Variants in NDUFAF6 observed in about 807,000 individuals in gnomAD.
NDUFAF6 encodes the protein NADH:ubiquinone oxidoreductase complex assembly factor 6.
In NDUFAF6, 45 loss-of-function variants were observed where a neutral mutation model predicts 40.8. That is an observed-to-expected ratio of 1.10 (90% CI 0.87 to 1.42). The LOEUF (loss-of-function observed/expected upper bound fraction) is 1.42, where lower values mean the gene tolerates loss of function less well. Among genes scored for constraint, NDUFAF6 ranks in the 40% most tolerant of loss-of-function variants. The pLI is 0.00. For synonymous variants in NDUFAF6, 185 were observed against 155.9 expected (o/e 1.19, Z -1.39); for missense variants, 435 against 418.5 (o/e 1.04, Z -0.34).
intron 2 of NDUFAF6, among the ~76,000 whole-genome samples, chr8:94,982,811 C>G (rs971940522): frequency 9.9e-5 from 15 of 152,242 alleles, no homozygotes; most frequent in African/African-American, 3.6e-4. Flanking sequence ...CCATGGTGAC[C>G]CACCGTAATA....
At chr8:94,976,090 C>T (rs1586866911) in intron 1 of NDUFAF6, 1 of 150,948 alleles carries the variant, frequency 6.6e-6, no homozygotes, top group South Asian at 2.1e-4. Flanking sequence ...CCCAGCTACT[C>T]AGAGAGGCTG....
At chr8:95,013,894 A>C (rs1827330332) in intron 2 of NDUFAF6, among the ~76,000 whole-genome samples, 2 of 152,172 alleles carry the variant, frequency 1.3e-5, no homozygotes, top group African/African-American at 2.4e-5. Context: ...GGTAGACCCT[A>C]ATCTCAGATG....
intron 1 of NDUFAF6, chr8:94,940,785 T>A: frequency 6.8e-7 from 1 of 1,465,294 alleles, no homozygotes; most frequent in Non-Finnish European, 9.4e-7. Context: ...CAAGTTTCCA[T>A]TTTTACTGTG....
chr8:95,108,214 G>A (rs894135033), downstream of NDUFAF6, among the ~76,000 whole-genome samples: 2 of 152,148 alleles, frequency 1.3e-5, no homozygotes, highest in East Asian at 1.9e-4. Flanking sequence ...CCACTTCTGG[G>A]TATGTACACT....
intron 2 of NDUFAF6, chr8:95,087,981 TG>T (rs1809104221): frequency 6.6e-6 from 1 of 152,314 alleles, no homozygotes; most frequent in Admixed American, 6.5e-5. Flanking sequence ...GGCTGTTTCC[TG>T]GTAGCAGAGG....
intron 2 of NDUFAF6, among the ~76,000 whole-genome samples, chr8:94,952,945 A>G (rs1189419366): frequency 6.6e-6 from 1 of 152,236 alleles, no homozygotes; most frequent in African/African-American, 2.4e-5. Context: ...CTGGATTGTA[A>G]CTAATGATCG....
intron 9 of NDUFAF6, among the ~76,000 whole-genome samples, chr8:95,070,934 G>A (rs1032500725): frequency 3.3e-5 from 5 of 152,000 alleles, no homozygotes; most frequent in Non-Finnish European, 7.4e-5. Flanking sequence ...CTTGGTCAGA[G>A]GGAGAATATA....
downstream of NDUFAF6, among the ~76,000 whole-genome samples, chr8:95,079,164 A>G (rs2599701): frequency 0.61 from 92,226 of 151,570 alleles, 28,450 homozygotes; most frequent in East Asian, 0.77. Context: ...TAGAGACGGG[A>G]TTTCTCCATG....
In NDUFAF6 at chr8:95,047,025, A is replaced by G. The variant is rs1363000685; in HGVS notation, c.612A>G (p.Ala204=). The G allele has an allele frequency of 6.2e-7, 1 of 1,614,074 alleles. No individual in the cohort carries two copies. Among genetic ancestry groups the G allele is most frequent in the Non-Finnish European group, 8.5e-7 (1 of 1,180,034 alleles). ...GIKDLHADHA[A]SHIGKAQGIV... is the part of the protein sequence containing the mutation. ...AGGATCTTCATGCAGATCATGCTGC[A>G]AGTCATATTGGAAAAGCACAAGGCA... The change falls in exon 6 of 9, where the codon GCA becomes GCG. Residue 204 remains alanine, a synonymous_variant. Transcript: ENST00000396124.
At chr8:94,924,267 A>G (rs1819710446) in intron 1 of NDUFAF6, among the ~76,000 whole-genome samples, 1 of 151,176 alleles carries the variant, frequency 6.6e-6, no homozygotes, top group Non-Finnish European at 1.5e-5. Flanking sequence ...TCACTGTGTT[A>G]GCCAGGATGG....
At chr8:94,976,672 TAAA>T (rs59800856) in intron 1 of NDUFAF6, among the ~76,000 whole-genome samples, 107 of 148,210 alleles carry the variant, frequency 7.2e-4, no homozygotes, top group Non-Finnish European at 7.9e-4. Context: ...AGACTTCATC[TAAA>T]AAAAAAAAAA....
intron 1 of NDUFAF6, among the ~76,000 whole-genome samples, chr8:94,923,834 C>T (rs1819667373): frequency 7.3e-6 from 1 of 136,122 alleles, no homozygotes; most frequent in African/African-American, 2.6e-5. Flanking sequence ...TGCCCGCCAC[C>T]ACGCCCGACT....
chr8:94,904,320 CTTTTTTTTTTTTTTTTTTTTTTT>C lies in NDUFAF6; in HGVS notation c.-936+8408_-936+8430del, dbSNP rs57749627. On this transcript the variant is annotated intron_variant, in intron 1 of 14. Transcript: ENST00000396113. The stretch of plus-strand genomic sequence containing the variant: ...CATCACACCTGGCTAATTTTTTTTG[CTTTTTTTTTTTTTTTTTTTTTTT>C]TTTTTTTTTTTTTTAGTAAAGACAG... Among the ~76,000 whole-genome samples, 16 of 34,138 alleles carry C rather than the reference CTTTTTTTTTTTTTTTTTTTTTTT, an allele frequency of 4.7e-4. 1 individual carries two copies. The highest frequency in any genetic ancestry group is 2.5e-3 in the East Asian group (2 of 814). The allele number at this position is 34,138 out of a possible 152,430, so 22.4% of individuals were successfully genotyped here.
upstream of NDUFAF6, chr8:94,957,931 C>G (rs1215147606): frequency 6.6e-6 from 1 of 152,240 alleles, no homozygotes; most frequent in African/African-American, 2.4e-5. Context: ...CAGCTCACCG[C>G]CATTGGACCA....
At chr8:94,914,746 G>A (rs1237687220) in intron 1 of NDUFAF6, among the ~76,000 whole-genome samples, 1 of 151,614 alleles carries the variant, frequency 6.6e-6, no homozygotes, top group East Asian at 1.9e-4. Flanking sequence ...GTGAAACCCC[G>A]TCTCTACTAA....
chr8:95,035,695 C>A, intron 3 of NDUFAF6, 119 bp downstream of exon 3: 1 of 1,011,924 alleles, frequency 9.9e-7, no homozygotes, highest in Non-Finnish European at 1.4e-6. Flanking sequence ...TATTCTTAGG[C>A]TTATGTATTC....
At chr8:95,023,676 G>C (rs764799285), upstream of NDUFAF6, among the ~76,000 whole-genome samples, 1 of 152,150 alleles carries the variant, frequency 6.6e-6, no homozygotes, top group Non-Finnish European at 1.5e-5. Context: ...TCTAATATTT[G>C]AGGGCCCTGA....
intron 2 of NDUFAF6, among the ~76,000 whole-genome samples, chr8:94,983,496 C>T (rs898891230): frequency 2.0e-5 from 3 of 151,984 alleles, no homozygotes; most frequent in African/African-American, 7.3e-5. Context: ...GAACGCCTGA[C>T]CTCAAGTGAT....
chr8:95,041,588 C>CTT lies in NDUFAF6; in HGVS notation c.440_441insTT (p.Thr148Ter). On this transcript the variant is annotated frameshift_variant, in exon 4 of 9. Coordinates refer to ENST00000396124, the MANE Select transcript of NDUFAF6 (RefSeq NM_152416.4). LOFTEE classifies it high-confidence loss of function. ...TTTTTAGGCTGTTAAAAGACATAAT[C>CTT]TGACTAAAAGATGGCTTATGAAAAT... The CTT allele has an allele frequency of 6.2e-7, 1 of 1,611,774 alleles. No homozygotes were observed. The highest frequency in any genetic ancestry group is 8.5e-7 in the Non-Finnish European group (1 of 1,178,106).
Sources: allele counts gnomAD v4.1 joint callset (sites outside exome capture counted in the v4.1 genomes callset), GRCh38; gene constraint gnomAD v4.1.1; transcripts MANE v1.5; gene names NCBI Gene and HGNC (gene_info 2026-07-23, HGNC 2026-07-21).